Variants in FGFR1 observed in about 807,000 individuals in gnomAD.
FGFR1 encodes fibroblast growth factor receptor 1.
In FGFR1, 18 loss-of-function variants were observed where a neutral mutation model predicts 93.7. The observed-to-expected ratio is 0.19, with a 90% CI of 0.13 to 0.28. The LOEUF is 0.28. Among genes scored for constraint, FGFR1 ranks in the 10% least tolerant of loss-of-function variants. The probability of loss-of-function intolerance (pLI) is 1.00; values close to 1 mark genes in which losing one functional copy is unlikely to be tolerated. For missense variants in FGFR1, 731 were observed against 1,080.4 expected (o/e 0.68, Z 4.53); for synonymous variants, 448 against 429.3 (o/e 1.04, Z -0.54).
In FGFR1 at chr8:38,418,309, G is replaced by A. The variant is rs2150675272; in HGVS notation, c.1349C>T (p.Ser450Phe). ...GVLLVRPSRL[S>F]SSGTPMLAGV... is the part of the protein sequence containing the mutation. The stretch of plus-strand genomic sequence containing the variant: ...TGCTAGCATGGGAGTCCCACTGGAG[G>A]AGAGCCGTGATGGCCGAACCAGAAG... Residue 450 changes from serine (S) to phenylalanine (F), a missense_variant, in exon 10 of 18, where the codon TCC becomes TTC. Physicochemically the swap from Ser to Phe is radical, Grantham distance 155 (BLOSUM62 -2). Around this residue, in one of 10 missense-constraint regions of FGFR1, gnomAD observed 146 missense variants for 173.0 expected, o/e 0.84. Coordinates refer to ENST00000447712, the MANE Select transcript of FGFR1 (RefSeq NM_023110.3). 18 of 1,614,196 alleles carry A rather than the reference G, an allele frequency of 1.1e-5. No individual in the cohort carries two copies. Among genetic ancestry groups the A allele is most frequent in the Non-Finnish European group, 1.5e-5 (18 of 1,180,028 alleles).
intron 2 of FGFR1, among the ~76,000 whole-genome samples, chr8:38,452,904 G>C (rs1178630733): frequency 6.6e-6 from 1 of 152,196 alleles, no homozygotes; most frequent in Non-Finnish European, 1.5e-5. Flanking sequence ...TTGAACCCAG[G>C]AGGTGGAGGT....
Position 38,424,292 on chromosome 8 carries a change from C to A in FGFR1, c.936+217G>T. ...TATTACAGACCAGCACCACCCATCC[C>A]TGCAGCCCTCTGTTCCCAGCTCACC... On this transcript the variant is annotated intron_variant, in intron 7 of 17. Transcript: ENST00000447712. The surrounding 1 kb of genome is among the most constrained non-coding windows in gnomAD (Gnocchi z 4.3). The A allele has an allele frequency of 1.4e-6, 1 of 709,134 alleles. No individual in the cohort carries two copies. The allele number at this position is 709,134 out of a possible 1,614,324, so 43.9% of individuals were successfully genotyped here.
At chr8:38,421,547 G>C (rs181303271) in intron 8 of FGFR1, 1 of 562,700 alleles carries the variant, frequency 1.8e-6, no homozygotes, top group Non-Finnish European at 3.2e-6. Flanking sequence ...GGCATGCATT[G>C]CAATGGCCAG....
Position 38,466,244 on chromosome 8 carries a change from G to A in FGFR1, c.-89+1737C>T, listed in dbSNP as rs375748225. 47 of 232,486 alleles carry A rather than the reference G, an allele frequency of 2.0e-4. 1 individual carries two copies. The highest frequency in any genetic ancestry group is 2.6e-3 in the Middle Eastern group (2 of 780). The allele number at this position is 232,486 out of a possible 1,614,324, so 14.4% of individuals were successfully genotyped here. A position where few individuals can be genotyped will look rare whatever the true frequency, so the allele number is the denominator to read the frequency against. ...GCCCACGCCCCCGGCCCTGCGCACC[G>A]GGCTTGCTCCGGGAGGGGCGCGTGA... is the stretch of plus-strand genomic sequence containing the variant. On this transcript the variant is annotated intron_variant, in intron 1 of 17. Coordinates refer to ENST00000447712, the MANE Select transcript of FGFR1 (RefSeq NM_023110.3).
At chr8:38,414,371 G>A (rs1312818494) in intron 15 of FGFR1, 82 bp from the exon 16 acceptor site, 7 of 1,601,776 alleles carry the variant, frequency 4.4e-6, no homozygotes, top group African/African-American at 1.3e-5. Flanking sequence ...CCAGGGCAGT[G>A]CCAGGAGACA....
chr8:38,461,014 C>A, intron 1 of FGFR1: 1 of 1,506,318 alleles, frequency 6.6e-7, no homozygotes, highest in Non-Finnish European at 8.9e-7. Context: ...GGATTCATGC[C>A]TGCATGCAGA....
intron 2 of FGFR1, among the ~76,000 whole-genome samples, chr8:38,441,020 C>G (rs952049608): frequency 6.6e-5 from 10 of 152,280 alleles, no homozygotes; most frequent in African/African-American, 2.4e-4. Context: ...GCCGAGCCGC[C>G]TGCACTAGCC....
intron 15 of FGFR1, 30 bp from the exon 16 acceptor site, chr8:38,414,319 T>C: frequency 1.2e-6 from 2 of 1,613,986 alleles, no homozygotes; most frequent in Non-Finnish European, 1.7e-6. Context: ...CACAGGGTGT[T>C]AGAGCTTCTC....
At chr8:38,443,021 C>A (rs757009879) in intron 2 of FGFR1, among the ~76,000 whole-genome samples, 2 of 152,092 alleles carry the variant, frequency 1.3e-5, no homozygotes, top group East Asian at 3.9e-4. Flanking sequence ...AGGTTTCACA[C>A]GATGAGACTA....
At position 38,413,376 on chromosome 8, in the gene FGFR1, C is replaced by T. The variant is rs781117513; in HGVS notation, c.*252G>A. 4.4e-5 allele frequency: 24 copies of T among 551,074 alleles called. No individual in the cohort carries two copies. The highest frequency in any genetic ancestry group is 6.4e-5 in the Non-Finnish European group (20 of 311,708). The allele number at this position is 551,074 out of a possible 1,614,324, so 34.1% of individuals were successfully genotyped here. Reference sequence around the variant, plus strand: ...GTGGCAGGGAGGGGTGTTGGTCCAACATCTGGGAGGGGATGAAGTGGCTGG... The same window carrying T: ...GTGGCAGGGAGGGGTGTTGGTCCAATATCTGGGAGGGGATGAAGTGGCTGG... On this transcript the variant is annotated 3_prime_UTR_variant, in exon 18 of 18. Coordinates refer to ENST00000447712, the MANE Select transcript of FGFR1 (RefSeq NM_023110.3). This position sits in a 1 kb window ranked among gnomAD's most constrained non-coding sequence, Gnocchi z 4.2.
chr8:38,447,077 C>G (rs1236420756), intron 2 of FGFR1, among the ~76,000 whole-genome samples: 1 of 149,780 alleles, frequency 6.7e-6, no homozygotes, highest in Non-Finnish European at 1.5e-5. Context: ...CAGAATGCCA[C>G]AGGAGATATT....
At chr8:38,449,102 A>G (rs999518467) in intron 2 of FGFR1, among the ~76,000 whole-genome samples, 24 of 151,504 alleles carry the variant, frequency 1.6e-4, no homozygotes, top group Non-Finnish European at 2.9e-4. Flanking sequence ...ACTAGGTCTC[A>G]GGAGAAAAAA....
chr8:38,414,307 G>T lies in FGFR1; in HGVS notation c.2049-18C>A. On this transcript the variant is annotated intron_variant, in intron 15 of 17. Coordinates refer to ENST00000447712, the MANE Select transcript of FGFR1 (RefSeq NM_023110.3). Reference sequence around the variant, plus strand: ...AAGACCACCTGCAAATGGGCGGAGAGCCACAGGGTGTTAGAGCTTCTCCGC... The same window carrying T: ...AAGACCACCTGCAAATGGGCGGAGATCCACAGGGTGTTAGAGCTTCTCCGC... 2 of 1,614,110 alleles carry T rather than the reference G, an allele frequency of 1.2e-6. No individual in the cohort carries two copies. The highest frequency in any genetic ancestry group is 1.7e-6 in the Non-Finnish European group (2 of 1,180,000).
chr8:38,423,600 C>T (rs942874142), intron 7 of FGFR1: 1 of 167,298 alleles, frequency 6.0e-6, no homozygotes, highest in Non-Finnish European at 1.3e-5. Context: ...CCACTGCGCC[C>T]GGCCTTCTTT....
In FGFR1 at chr8:38,457,447, C is replaced by G. The variant is rs1044448253; in HGVS notation, c.-1G>C. 2 of 1,613,940 alleles carry G rather than the reference C, an allele frequency of 1.2e-6. No individual in the cohort carries two copies. Among genetic ancestry groups the G allele is most frequent in the African/African-American group, 2.7e-5 (2 of 74,906 alleles). On this transcript the variant is annotated 5_prime_UTR_variant, in exon 2 of 18. Transcript: ENST00000447712. The stretch of plus-strand genomic sequence containing the variant: ...AGAGGAGGCACTTCCAGCTCCACAT[C>G]CCAGTTCTGCAGTTAGAGGTTGGTG...
chr8:38,428,523 CCCTCCCCATGGGG>C, intron 3 of FGFR1, 88 bp from the exon 4 acceptor site: 1 of 1,011,616 alleles, frequency 9.9e-7, no homozygotes, highest in South Asian at 1.4e-5. Flanking sequence ...AACACGGACA[CCCTCCCCATGGGG>C]ATCCCAGTCC....
chr8:38,432,410 ATTTT>A (rs34918365), intron 2 of FGFR1, among the ~76,000 whole-genome samples: 1 of 135,924 alleles, frequency 7.4e-6, no homozygotes. Flanking sequence ...CTCGGGATAA[ATTTT>A]TTTTTTTTTT....
rs1822290722 is a variant in FGFR1, at chr8:38,429,841, G to A, written c.199C>T (p.Leu67=). 1 of 1,613,900 alleles carries A rather than the reference G, an allele frequency of 6.2e-7. No homozygotes were observed. The highest frequency in any genetic ancestry group is 8.5e-7 in the Non-Finnish European group (1 of 1,180,008). ...LRDDVQSINW[L]RDGVQLAESN... ...TCCGCCAGCTGCACCCCGTCCCGCA[G>A]CCAGTTGATGCTCTGCACATCGTCC... Residue 67 remains leucine (L), a synonymous_variant, in exon 3 of 18, where the codon CTG becomes TTG. Coordinates refer to ENST00000447712, the MANE Select transcript of FGFR1 (RefSeq NM_023110.3). The surrounding 1 kb of genome is among the most constrained non-coding windows in gnomAD (Gnocchi z 4.4).
chr8:38,424,830 A>C lies in FGFR1; in HGVS notation c.746-131T>G. On this transcript the variant is annotated intron_variant, in intron 6 of 17. Transcript: ENST00000447712. The surrounding 1 kb of genome is among the most constrained non-coding windows in gnomAD (Gnocchi z 4.3). ...ACCTCCCAGCACTTCTGCTGAGCCCAAGCCTCTCAAAACAGAGCTGGGGAA... is the reference window on the plus strand; with the variant it reads ...ACCTCCCAGCACTTCTGCTGAGCCCCAGCCTCTCAAAACAGAGCTGGGGAA... 1 of 894,334 alleles carries C rather than the reference A, an allele frequency of 1.1e-6. No homozygotes were observed. 55.4% of individuals were successfully genotyped at this position (894,334 alleles called of 1,614,324 possible). A position where few individuals can be genotyped will look rare whatever the true frequency, so the allele number is the denominator to read the frequency against.
Sources: gnomAD v4.1 joint callset for allele counts (sites outside exome capture counted in the v4.1 genomes callset) on GRCh38, gnomAD v4.1.1 for gene constraint, gnomAD v4.1.1 regional missense constraint, Gnocchi (gnomAD v3.1) non-coding constraint, MANE v1.5 for transcripts, NCBI Gene and HGNC (gene_info 2026-07-23, HGNC 2026-07-21) for gene names.